PDE2A: variants seen among roughly 807,000 people sequenced by gnomAD.
PDE2A encodes cGMP-dependent 3',5'-cyclic phosphodiesterase.
Under a neutral mutation model 133.6 loss-of-function variants are expected in PDE2A, and 53 were observed. The ratio of observed to expected loss-of-function variants is 0.40; its 90% CI spans 0.32 to 0.50. The LOEUF is 0.50. Ranked by LOEUF, PDE2A falls within the 20% of genes least tolerant of loss-of-function variation. The pLI, the probability that PDE2A is intolerant of heterozygous loss-of-function variation, is 0.73. For synonymous variants in PDE2A, 491 were observed against 490.2 expected, an observed-to-expected ratio of 1.00 and a Z score of -0.02; for missense variants, 796 against 1,232.4, an observed-to-expected ratio of 0.65 and a Z score of 5.30.
Position 72,632,735 on chromosome 11 carries a change from G to A in PDE2A, c.144+9519C>T, listed in dbSNP as rs575509025. On this transcript the variant is annotated intron_variant, in intron 2 of 30. Coordinates refer to ENST00000334456, the MANE Select transcript of PDE2A (RefSeq NM_002599.5). ...GGGACAGCCCCCTCCCCTCCCCTGAGAGGAGGGAGGGCCAGTTTCACTGGA... is the reference window on the plus strand; with the variant it reads ...GGGACAGCCCCCTCCCCTCCCCTGAAAGGAGGGAGGGCCAGTTTCACTGGA... 9.2e-5 allele frequency among the ~76,000 whole-genome samples: 14 copies of A among 152,210 alleles called. No homozygotes were observed. The South Asian group carries it at 2.7e-3, about 29-fold the overall frequency.
At position 72,579,333 on chromosome 11, in the gene PDE2A, G is replaced by A; in HGVS notation, c.2307C>T (p.Asp769=). ...DLMRDIILAT[D]LAHHLRIFKD... ...TGAAGATGCGGAGATGGTGGGCCAG[G>A]TCTGTGGCCAAGATGATGTCCCGCA... Residue 769 remains aspartate, a synonymous_variant, in exon 27 of 31, where the codon GAC becomes GAT. Transcript: ENST00000334456. 6.2e-7 allele frequency: 1 copy of A among 1,613,898 alleles called. No homozygotes were observed. The highest frequency in any genetic ancestry group is 8.5e-7 in the Non-Finnish European group (1 of 1,179,934).
At chr11:72,661,235 G>A (rs904034300) in intron 1 of PDE2A, among the ~76,000 whole-genome samples, 13 of 152,246 alleles carry the variant, frequency 8.5e-5, no homozygotes, top group Admixed American at 8.5e-4. Flanking sequence ...AACCTGGGAG[G>A]TGGAGGTTGC....
chr11:72,669,048 G>A (rs2135466641), intron 1 of PDE2A: 3 of 761,320 alleles, frequency 3.9e-6, no homozygotes, highest in Admixed American at 5.7e-5. Flanking sequence ...GCTAAGCTCT[G>A]CACTTCCAGA....
intron 1 of PDE2A, among the ~76,000 whole-genome samples, chr11:72,667,087 G>C (rs568317195): frequency 2.0e-5 from 3 of 152,246 alleles, no homozygotes; most frequent in East Asian, 1.9e-4. Context: ...GTCTGGGTGA[G>C]AGTGTGAGAC....
rs769461955 is a variant in PDE2A at position 72,591,355 on chromosome 11, A to C, written c.491T>G (p.Val164Gly). ...EAGAVAAVIL[V>G]HCGQLSDNEE... ...ATTATCACTCAGCTGGCCACAGTGC[A>C]CCTGGAGGGATGGGAGAAGGGAACT... Residue 164 changes from valine to glycine, a missense_variant and splice_region_variant, in exon 7 of 31, where the codon GTG becomes GGG. Val to Gly is a moderately radical substitution (Grantham distance 109). Around this residue, in one of 7 missense-constraint regions of PDE2A, gnomAD observed 417 missense variants for 475.3 expected, o/e 0.88. Coordinates refer to ENST00000334456, the MANE Select transcript of PDE2A (RefSeq NM_002599.5). The C allele has an allele frequency of 6.2e-7, 1 of 1,613,312 alleles. No homozygotes were observed.
intron 2 of PDE2A, among the ~76,000 whole-genome samples, chr11:72,635,661 G>A (rs192147034): frequency 2.0e-5 from 3 of 152,254 alleles, no homozygotes; most frequent in Admixed American, 1.3e-4. Context: ...CTCATATATC[G>A]CTTGGAGATA....
At chr11:72,635,989 C>G (rs1464170139) in intron 2 of PDE2A, 3 of 1,246,546 alleles carry the variant, frequency 2.4e-6, no homozygotes, top group Non-Finnish European at 3.1e-6. Context: ...CCCTGAGCTC[C>G]CGAAACTCCC....
At position 72,635,901 on chromosome 11, in the gene PDE2A, A is replaced by T. The variant is rs1302517706; in HGVS notation, c.144+6353T>A. ...GCTCTGCCTGTCTCCCTTTGCTCTC[A>T]CTCCCGGCCCTCTCCATTCTTTCGG... On this transcript the variant is annotated intron_variant, in intron 2 of 30. Transcript: ENST00000334456. The T allele has an allele frequency of 1.3e-4, 128 of 971,926 alleles. 1 individual carries two copies. In the South Asian group the frequency reaches 3.0e-3, roughly 23 times the overall value. 60.2% of individuals were successfully genotyped at this position (971,926 alleles called of 1,614,324 possible).
At chr11:72,653,782 C>T (rs1271612858) in intron 1 of PDE2A, among the ~76,000 whole-genome samples, 1 of 152,240 alleles carries the variant, frequency 6.6e-6, no homozygotes, top group African/African-American at 2.4e-5. Flanking sequence ...GGGTCACCCC[C>T]CAGCCTCGCC....
chr11:72,620,275 T>C (rs1157513904), intron 2 of PDE2A, among the ~76,000 whole-genome samples: 1 of 152,148 alleles, frequency 6.6e-6, no homozygotes. Context: ...CTCACTTCCC[T>C]GGGGCCCTGT....
chr11:72,664,181 C>T (rs1212420015), intron 1 of PDE2A, among the ~76,000 whole-genome samples: 2 of 152,088 alleles, frequency 1.3e-5, no homozygotes, highest in East Asian at 1.9e-4. Flanking sequence ...GCACTCTCCT[C>T]GGCCCCCCTC....
At chr11:72,628,074 A>G (rs974621857) in intron 2 of PDE2A, among the ~76,000 whole-genome samples, 1 of 152,152 alleles carries the variant, frequency 6.6e-6, no homozygotes, top group African/African-American at 2.4e-5. Context: ...GTGCCAGGAG[A>G]GTGTGCCATG....
chr11:72,580,087 C>A (rs1455773906), intron 25 of PDE2A, among the ~76,000 whole-genome samples: 1 of 152,124 alleles, frequency 6.6e-6, no homozygotes, highest in Non-Finnish European at 1.5e-5. Flanking sequence ...GGGAGAGAGA[C>A]AGAGAACCTC....
intron 1 of PDE2A, among the ~76,000 whole-genome samples, chr11:72,651,910 G>A (rs11603077): frequency 0.14 from 21,070 of 152,198 alleles, 1,538 homozygotes; most frequent in Middle Eastern, 0.16. Flanking sequence ...CCTGAAAAGA[G>A]GGAAGAGCTG....
chr11:72,605,361 T>C (rs1310779471), intron 3 of PDE2A, 135 bp from the exon 4 acceptor site: 1 of 455,374 alleles, frequency 2.2e-6, no homozygotes, highest in Non-Finnish European at 3.9e-6. Flanking sequence ...CTGTTTGTTT[T>C]TCTCTCCAGG....
intron 4 of PDE2A, among the ~76,000 whole-genome samples, chr11:72,600,496 C>A (rs529504015): frequency 3.7e-4 from 56 of 152,260 alleles, no homozygotes; most frequent in African/African-American, 1.3e-3. Context: ...CCCATGGGAG[C>A]CCCTTTCCTC....
intron 1 of PDE2A, chr11:72,658,326 C>T (rs1205049999): frequency 2.8e-6 from 1 of 363,412 alleles, no homozygotes; most frequent in African/African-American, 2.1e-5. Context: ...CTCCTGGCAG[C>T]CAGAAGACCA....
intron 4 of PDE2A, among the ~76,000 whole-genome samples, chr11:72,602,932 T>A (rs1856820993): frequency 6.6e-6 from 1 of 152,172 alleles, no homozygotes; most frequent in Non-Finnish European, 1.5e-5. Context: ...CCGCCCTAAC[T>A]GTGGAGATGG....
At chr11:72,630,397 G>T (rs1244475137) in intron 2 of PDE2A, among the ~76,000 whole-genome samples, 1 of 152,094 alleles carries the variant, frequency 6.6e-6, no homozygotes, top group Admixed American at 6.5e-5. Context: ...TCAGAGGAGG[G>T]AGCAGGAGTG....
Sources: allele counts gnomAD v4.1 joint callset (sites outside exome capture counted in the v4.1 genomes callset), GRCh38; gene constraint gnomAD v4.1.1; regional missense constraint gnomAD v4.1.1; transcripts MANE v1.5; gene names NCBI Gene and HGNC (gene_info 2026-07-23, HGNC 2026-07-21).